The following ADK variants were observed in gnomAD, a reference collection of about 807,000 sequenced individuals.
ADK encodes the protein N6,N6-dimethyladenosine kinase.
A neutral mutation model predicts 44.7 loss-of-function variants in ADK; 24 were observed. That is an observed-to-expected ratio of 0.54 (90% CI 0.39 to 0.76). The LOEUF (loss-of-function observed/expected upper bound fraction) is 0.76, where lower values mean the gene tolerates loss of function less well. Ranked by LOEUF, ADK falls within the 30% of genes least tolerant of loss-of-function variation. The pLI, the probability that ADK is intolerant of heterozygous loss-of-function variation, is 0.00. For missense variants in ADK, 321 were observed against 425.1 expected, an observed-to-expected ratio of 0.76 and a Z score of 2.15; for synonymous variants, 128 against 142.6, an observed-to-expected ratio of 0.90 and a Z score of 0.73.
chr10:74,494,474 A>T (rs1037193448), intron 6 of ADK, among the ~76,000 whole-genome samples: 3 of 152,136 alleles, frequency 2.0e-5, no homozygotes, highest in African/African-American at 7.2e-5. Flanking sequence ...AGTTTCTCCT[A>T]GAGTTTAGAA....
At chr10:74,271,377 T>G (rs112657898) in intron 3 of ADK, among the ~76,000 whole-genome samples, 1 of 152,082 alleles carries the variant, frequency 6.6e-6, no homozygotes, top group Admixed American at 6.6e-5. Flanking sequence ...ACATTTATAT[T>G]CAGGTATATA....
intron 9 of ADK, among the ~76,000 whole-genome samples, chr10:74,662,981 C>T (rs1472828537): frequency 6.6e-6 from 1 of 152,108 alleles, no homozygotes; most frequent in Non-Finnish European, 1.5e-5. Flanking sequence ...GTAATCCCAG[C>T]ACTTTGGGAG....
At chr10:74,443,434 G>A (rs1592222131) in intron 6 of ADK, among the ~76,000 whole-genome samples, 1 of 152,138 alleles carries the variant, frequency 6.6e-6, no homozygotes, top group African/African-American at 2.4e-5. Flanking sequence ...CTAAGTGAAA[G>A]AAGCCATTTA....
chr10:74,368,685 C>T (rs1170141144), intron 4 of ADK, among the ~76,000 whole-genome samples: 1 of 151,468 alleles, frequency 6.6e-6, no homozygotes, highest in African/African-American at 2.4e-5. Context: ...GCTGGAGTGC[C>T]GTGGCCCCAT....
chr10:74,274,923 A>G (rs1846614266), intron 3 of ADK, among the ~76,000 whole-genome samples: 1 of 151,634 alleles, frequency 6.6e-6, no homozygotes, highest in Non-Finnish European at 1.5e-5. Flanking sequence ...TGGTACTCAG[A>G]GAACTGAGTG....
chr10:74,157,786 G>T (rs185685273), intron 1 of ADK, among the ~76,000 whole-genome samples: 37 of 152,094 alleles, frequency 2.4e-4, no homozygotes, highest in African/African-American at 8.9e-4. Flanking sequence ...CAGCTACTCA[G>T]GAGGCTGAGG....
At chr10:74,659,761 G>C (rs1372482166) in intron 9 of ADK, among the ~76,000 whole-genome samples, 3 of 152,202 alleles carry the variant, frequency 2.0e-5, no homozygotes, top group African/African-American at 7.2e-5. Flanking sequence ...CAGCGCAGGA[G>C]AAAGTTGTAG....
intron 6 of ADK, among the ~76,000 whole-genome samples, chr10:74,499,620 G>A (rs1163123452): frequency 1.3e-5 from 2 of 151,966 alleles, no homozygotes; most frequent in Non-Finnish European, 1.5e-5. Context: ...CCCGGGAGGC[G>A]GAGCTTGCAG....
chr10:74,441,450 T>C (rs1845404095), intron 6 of ADK, among the ~76,000 whole-genome samples: 1 of 152,226 alleles, frequency 6.6e-6, no homozygotes, highest in African/African-American at 2.4e-5. Context: ...TATGAATGTT[T>C]ATGGCAGCAT....
intron 7 of ADK, among the ~76,000 whole-genome samples, chr10:74,572,985 A>C (rs1295615129): frequency 6.6e-6 from 1 of 152,140 alleles, no homozygotes; most frequent in African/African-American, 2.4e-5. Context: ...GATCATCTGA[A>C]GCCTTCTTCT....
chr10:74,398,572 A>T lies in ADK; in HGVS notation c.548A>T (p.Tyr183Phe), dbSNP rs1843600675. Residue 183 changes from tyrosine (Y) to phenylalanine (F), a missense_variant, in exon 6 of 11, where the codon TAT becomes TTT. Physicochemically the swap from Tyr to Phe is conservative, Grantham distance 22. Transcript: ENST00000539909. ...WMLVEKARVC[Y>F]IAGFFLTVSP... Reference sequence around the variant, plus strand: ...TTGGTAGAAAAAGCAAGAGTTTGTTATATAGCAGTAAGTACTTACCTAATT... The same window carrying T: ...TTGGTAGAAAAAGCAAGAGTTTGTTTTATAGCAGTAAGTACTTACCTAATT... 6.3e-7 allele frequency: 1 copy of T among 1,585,144 alleles called. No homozygotes were observed. The highest frequency in any genetic ancestry group is 1.3e-5 in the African/African-American group (1 of 74,282).
rs1485319144 is a variant in ADK at position 74,596,009 on chromosome 10, A to AAAC, written c.763-4368_763-4367insCAA. On this transcript the variant is annotated intron_variant, in intron 8 of 10. Coordinates refer to ENST00000539909, the MANE Select transcript of ADK (RefSeq NM_006721.4). The stretch of plus-strand genomic sequence containing the variant: ...CGAAATTCCATCTCAAAAAAAAAAA[A>AAAC]AAAAAAACCACTGAAATTCGCTGGA... Among the ~76,000 whole-genome samples, 175 of 151,016 alleles carry AAAC rather than the reference A, an allele frequency of 1.2e-3. 2 individuals are homozygous for AAAC. The highest frequency in any genetic ancestry group is 4.0e-3 in the African/African-American group (165 of 41,146).
At chr10:74,474,861 C>T (rs143941734) in intron 6 of ADK, among the ~76,000 whole-genome samples, 2,042 of 152,314 alleles carry the variant, frequency 0.013, 26 homozygotes, top group Non-Finnish European at 0.021. Context: ...GGTGCGGAGG[C>T]TCACGCCTGT....
intron 9 of ADK, among the ~76,000 whole-genome samples, chr10:74,652,646 G>C (rs1854315163): frequency 6.6e-6 from 1 of 151,652 alleles, no homozygotes; most frequent in Non-Finnish European, 1.5e-5. Context: ...TATAATCCAA[G>C]CTACTTGGGA....
chr10:74,241,534 C>A (rs921523523), intron 3 of ADK, among the ~76,000 whole-genome samples: 1 of 152,028 alleles, frequency 6.6e-6, no homozygotes, highest in South Asian at 2.1e-4. Context: ...TACAGGCACA[C>A]GCTACCATGA....
At chr10:74,157,245 A>C (rs746931689) in intron 1 of ADK, among the ~76,000 whole-genome samples, 20 of 152,186 alleles carry the variant, frequency 1.3e-4, no homozygotes, top group Non-Finnish European at 2.6e-4. Context: ...AAAAGAGGGA[A>C]TGTCTGAGCC....
intron 9 of ADK, among the ~76,000 whole-genome samples, chr10:74,636,612 T>C (rs950747954): frequency 6.6e-5 from 10 of 152,246 alleles, no homozygotes; most frequent in Non-Finnish European, 1.5e-5. Context: ...GGACTGTATA[T>C]ATTTTTGTCT....
chr10:74,175,319 G>A (rs539815603), intron 1 of ADK, among the ~76,000 whole-genome samples: 1 of 151,586 alleles, frequency 6.6e-6, no homozygotes, highest in Non-Finnish European at 1.5e-5. Context: ...AGGAGGCAGA[G>A]GTTGGAGATC....
intron 9 of ADK, among the ~76,000 whole-genome samples, chr10:74,620,419 C>T (rs753195500): frequency 6.6e-6 from 1 of 152,118 alleles, no homozygotes; most frequent in African/African-American, 2.4e-5. Context: ...TCTTACAGTT[C>T]CATCCATGTT....
Sources: allele counts gnomAD v4.1 joint callset (sites outside exome capture counted in the v4.1 genomes callset), GRCh38; gene constraint gnomAD v4.1.1; transcripts MANE v1.5; gene names NCBI Gene and HGNC (gene_info 2026-07-23, HGNC 2026-07-21).